The following FAM171A1 variants were observed in gnomAD, a reference collection of about 807,000 sequenced individuals.
FAM171A1 encodes family with sequence similarity 171 member A1.
A neutral mutation model predicts 74.9 loss-of-function variants in FAM171A1; 23 were observed. That is an observed-to-expected ratio of 0.31 (90% CI 0.22 to 0.44). The LOEUF (loss-of-function observed/expected upper bound fraction) is 0.44, where lower values mean the gene tolerates loss of function less well. Ranked by LOEUF, FAM171A1 falls within the 20% of genes least tolerant of loss-of-function variation. The pLI, the probability that FAM171A1 is intolerant of heterozygous loss-of-function variation, is 1.00. For missense variants in FAM171A1, 1,162 were observed against 1,159.2 expected (o/e 1.00, Z -0.03); for synonymous variants, 527 against 505.7 (o/e 1.04, Z -0.57).
intron 1 of FAM171A1, among the ~76,000 whole-genome samples, chr10:15,346,555 A>G (rs1194000125): frequency 6.6e-6 from 1 of 152,210 alleles, no homozygotes; most frequent in Non-Finnish European, 1.5e-5. Flanking sequence ...TTTCCCTGCT[A>G]TTCCATCCAG....
rs542881664 is a variant in FAM171A1 at position 15,262,099 on chromosome 10, A to C, written c.419-7220T>G. ...TACTGCACTCCAGTCCATGCAACAG[A>C]GTAAGACCCTGCCAATGAATCAATC... On this transcript the variant is annotated intron_variant, in intron 3 of 7. Transcript: ENST00000378116. Among the ~76,000 whole-genome samples the C allele has an allele frequency of 1.1e-4, 17 of 152,322 alleles. 1 individual carries two copies. The South Asian group carries it at 3.1e-3, about 28-fold the overall frequency.
chr10:15,240,691 G>T (rs533893660), intron 5 of FAM171A1: 71 of 983,724 alleles, frequency 7.2e-5, no homozygotes, highest in Non-Finnish European at 8.1e-5. Flanking sequence ...GGCAGTCAAG[G>T]ATTAAAGTGT....
At chr10:15,289,967 C>T (rs930968183) in intron 1 of FAM171A1, among the ~76,000 whole-genome samples, 6 of 152,200 alleles carry the variant, frequency 3.9e-5, no homozygotes, top group South Asian at 2.1e-4. Flanking sequence ...ATGTGGCTCA[C>T]GCCTGTAATC....
rs546835178 is a variant in FAM171A1 at position 15,232,849 on chromosome 10, A to T, written c.755-11789T>A. 9.1e-4 allele frequency among the ~76,000 whole-genome samples: 138 copies of T among 152,278 alleles called. No homozygotes were observed. In the Middle Eastern group the frequency reaches 0.01, roughly 11 times the overall value. On this transcript the variant is annotated intron_variant, in intron 5 of 7. Transcript: ENST00000378116. ...AGGATGTCCCATGAGTGTGGGAAAC[A>T]CTCAACTCTACTGAGCTAAAGTTCC...
intron 4 of FAM171A1, among the ~76,000 whole-genome samples, chr10:15,250,587 G>C (rs953368382): frequency 6.6e-6 from 1 of 152,106 alleles, no homozygotes; most frequent in Non-Finnish European, 1.5e-5. Flanking sequence ...GTGAAACCCC[G>C]TTTGCACAAA....
chr10:15,240,701 T>C, intron 5 of FAM171A1: 1 of 984,866 alleles, frequency 1.0e-6, no homozygotes, highest in Non-Finnish European at 1.2e-6. Flanking sequence ...GATTAAAGTG[T>C]GTGAGTTAGA....
In FAM171A1 at chr10:15,302,505, C is replaced by CA. The variant is rs201888011; in HGVS notation, c.98-18401dup. On this transcript the variant is annotated intron_variant, in intron 1 of 7. Coordinates refer to ENST00000378116, the MANE Select transcript of FAM171A1 (RefSeq NM_001010924.2). Reference sequence around the variant, plus strand: ...AAAACAAAACAAAAAAACCCAAAACCAAAAAAAAAAAAAAAAAACCAAAAG... The same window carrying CA: ...AAAACAAAACAAAAAAACCCAAAACCAAAAAAAAAAAAAAAAAAACCAAAAG... Among the ~76,000 whole-genome samples, 1,116 of 116,176 alleles carry CA rather than the reference C, an allele frequency of 9.6e-3. 3 individuals carry two copies. The highest frequency in any genetic ancestry group is 0.025 in the African/African-American group (779 of 30,792). 76.2% of individuals were successfully genotyped at this position (116,176 alleles called of 152,430 possible).
At chr10:15,332,669 G>C (rs1352079996) in intron 1 of FAM171A1, among the ~76,000 whole-genome samples, 1 of 152,220 alleles carries the variant, frequency 6.6e-6, no homozygotes, top group East Asian at 1.9e-4. Context: ...GCAGGTTGCA[G>C]AGACTCATTG....
chr10:15,251,402 A>ATTAT (rs1554833753), intron 4 of FAM171A1, among the ~76,000 whole-genome samples: 2 of 132,488 alleles, frequency 1.5e-5, no homozygotes. Flanking sequence ...TTCTGCAACG[A>ATTAT]TTTTTTTTTT....
At chr10:15,345,448 C>G (rs1395650530) in intron 1 of FAM171A1, among the ~76,000 whole-genome samples, 1 of 152,150 alleles carries the variant, frequency 6.6e-6, no homozygotes, top group African/African-American at 2.4e-5. Context: ...GGGACAACAC[C>G]TGATGCTTTA....
At chr10:15,229,585 T>TCATCAC (rs1834160748) in intron 5 of FAM171A1, among the ~76,000 whole-genome samples, 1 of 113,344 alleles carries the variant, frequency 8.8e-6, no homozygotes, top group Admixed American at 9.7e-5. Flanking sequence ...AACGTCATCA[T>TCATCAC]CATCACCATC....
chr10:15,219,053 C>CG (rs928674953), intron 6 of FAM171A1, among the ~76,000 whole-genome samples: 3 of 152,102 alleles, frequency 2.0e-5, no homozygotes, highest in East Asian at 1.9e-4. Context: ...GAGGCTGAGG[C>CG]GGGGGGATCA....
At chr10:15,229,455 CATT>C (rs1834155663) in intron 5 of FAM171A1, among the ~76,000 whole-genome samples, 1 of 147,120 alleles carries the variant, frequency 6.8e-6, no homozygotes, top group Non-Finnish European at 1.5e-5. Context: ...TCACCACCAT[CATT>C]GTCACCATCA....
At chr10:15,373,873 T>C (rs1836175917), upstream of FAM171A1, among the ~76,000 whole-genome samples, 1 of 152,212 alleles carries the variant, frequency 6.6e-6, no homozygotes, top group African/African-American at 2.4e-5. Flanking sequence ...TCAAGTTGGG[T>C]TCACAATCTT....
chr10:15,312,901 G>C (rs1835381237), intron 1 of FAM171A1, among the ~76,000 whole-genome samples: 1 of 151,594 alleles, frequency 6.6e-6, no homozygotes, highest in Admixed American at 6.6e-5. Flanking sequence ...CACAATGTTG[G>C]CCTGGCTGGT....
chr10:15,340,497 T>G (rs2131869263), intron 1 of FAM171A1, among the ~76,000 whole-genome samples: 1 of 152,288 alleles, frequency 6.6e-6, no homozygotes, highest in South Asian at 2.1e-4. Flanking sequence ...CTGAACTCAC[T>G]ATGTCAAAGG....
chr10:15,309,001 GTTA>G (rs1835328432), intron 1 of FAM171A1, among the ~76,000 whole-genome samples: 1 of 152,000 alleles, frequency 6.6e-6, no homozygotes, highest in African/African-American at 2.4e-5. Context: ...TCCATAAATT[GTTA>G]TTTTTACAAC....
chr10:15,355,345 G>C (rs1312621642), intron 1 of FAM171A1, among the ~76,000 whole-genome samples: 2 of 152,162 alleles, frequency 1.3e-5, no homozygotes, highest in East Asian at 3.9e-4. Context: ...AAGGTATTGG[G>C]ACTACAGGCA....
upstream of FAM171A1, among the ~76,000 whole-genome samples, chr10:15,373,609 G>A (rs1032387760): frequency 3.3e-5 from 5 of 152,184 alleles, no homozygotes; most frequent in African/African-American, 1.2e-4. Flanking sequence ...TCCTGGCATT[G>A]ACAGTGTACT....
Sources: gnomAD v4.1 joint callset for allele counts (sites outside exome capture counted in the v4.1 genomes callset) on GRCh38, gnomAD v4.1.1 for gene constraint, MANE v1.5 for transcripts, NCBI Gene and HGNC (gene_info 2026-07-23, HGNC 2026-07-21) for gene names.